Variants in NLRP4 observed in about 807,000 individuals in gnomAD.
NLRP4 encodes the protein NLR family pyrin domain containing 4.
A neutral mutation model predicts 84.7 loss-of-function variants in NLRP4; 44 were observed. That is an observed-to-expected ratio of 0.52 (90% CI 0.41 to 0.67). The LOEUF (loss-of-function observed/expected upper bound fraction) is 0.67, where lower values mean the gene tolerates loss of function less well. Among genes scored for constraint, NLRP4 ranks in the 30% least tolerant of loss-of-function variants. The pLI, the probability that NLRP4 is intolerant of heterozygous loss-of-function variation, is 0.00. For synonymous variants in NLRP4, 544 were observed against 476.4 expected, an observed-to-expected ratio of 1.14 and a Z score of -1.85; for missense variants, 1,260 against 1,219.4, an observed-to-expected ratio of 1.03 and a Z score of -0.50.
In NLRP4 at chr19:55,851,687, T is replaced by C. The variant is rs112821018; in HGVS notation, c.-65-329T>C. The stretch of plus-strand genomic sequence containing the variant: ...TGTAATGTCCGAGGCTGCGGTGTAA[T>C]GTCCGAGGCTGCGGTGTAATGTCCG... On this transcript the variant is annotated intron_variant, in intron 1 of 9. Coordinates refer to ENST00000301295, the MANE Select transcript of NLRP4 (RefSeq NM_134444.5). 3.8e-3 allele frequency among the ~76,000 whole-genome samples: 532 copies of C among 141,718 alleles called. 20 individuals carry two copies. Among genetic ancestry groups the C allele is most frequent in the African/African-American group, 0.014 (509 of 35,774 alleles). 93.0% of individuals were successfully genotyped at this position (141,718 alleles called of 152,430 possible).
At chr19:55,844,443 G>A (rs118009921) in intron 1 of NLRP4, among the ~76,000 whole-genome samples, 14 of 152,172 alleles carry the variant, frequency 9.2e-5, no homozygotes, top group Middle Eastern at 3.4e-3. Flanking sequence ...ACTTGGCTAA[G>A]TTTTGTATTT....
At chr19:55,859,926 C>CAAAAAAAAAAAA (rs1166037425) in intron 3 of NLRP4, among the ~76,000 whole-genome samples, 3 of 17,498 alleles carry the variant, frequency 1.7e-4, no homozygotes, top group Admixed American at 8.7e-4. Context: ...CTCTCATCTC[C>CAAAAAAAAAAAA]AAAAAAAAAA....
intron 6 of NLRP4, 30 bp downstream of exon 6, chr19:55,867,906 G>C (rs1365192327): frequency 6.2e-7 from 1 of 1,605,320 alleles, no homozygotes; most frequent in Non-Finnish European, 8.5e-7. Context: ...GCCTACTGTG[G>C]AGGGCCATGG....
At position 55,849,964 on chromosome 19, in the gene NLRP4, A is replaced by ATTTCCGAGACTGCGGTGTG. The variant is rs1568658206; in HGVS notation, c.-65-2052_-65-2051insTTTCCGAGACTGCGGTGTG. Among the ~76,000 whole-genome samples, 4 of 113,538 alleles carry ATTTCCGAGACTGCGGTGTG rather than the reference A, an allele frequency of 3.5e-5. 1 individual carries two copies. The highest frequency in any genetic ancestry group is 2.5e-4 in the African/African-American group (4 of 16,232). The allele number at this position is 113,538 out of a possible 152,430, so 74.5% of individuals were successfully genotyped here. A position where few individuals can be genotyped will look rare whatever the true frequency, so the allele number is the denominator to read the frequency against. On this transcript the variant is annotated intron_variant, in intron 1 of 9. Transcript: ENST00000301295. ...GGTGTAATTTCCGAGACTGCGGTGT[A>ATTTCCGAGACTGCGGTGTG]ATTTCCGTAGCTGCGGTGTAATTTC...
chr19:55,867,930 C>A, intron 6 of NLRP4, 54 bp downstream of exon 6: 1 of 1,516,860 alleles, frequency 6.6e-7, no homozygotes, highest in Non-Finnish European at 9.1e-7. Flanking sequence ...CAGTTCAAAC[C>A]TGGGCCTATT....
At chr19:55,875,996 C>T (rs141732694) in intron 7 of NLRP4, among the ~76,000 whole-genome samples, 3,139 of 152,220 alleles carry the variant, frequency 0.021, 110 homozygotes, top group African/African-American at 0.072. Context: ...GAGATTGTGC[C>T]GTTGCATTCC....
intron 1 of NLRP4, among the ~76,000 whole-genome samples, chr19:55,838,476 A>G (rs1375233222): frequency 6.6e-6 from 1 of 152,016 alleles, no homozygotes; most frequent in Non-Finnish European, 1.5e-5. Flanking sequence ...CCCTGCCAAC[A>G]CTTTGATTTT....
At chr19:55,856,321 T>C (rs1984410582) in intron 2 of NLRP4, among the ~76,000 whole-genome samples, 1 of 151,980 alleles carries the variant, frequency 6.6e-6, no homozygotes, top group South Asian at 2.1e-4. Flanking sequence ...ACAAGCCTTC[T>C]GTTACAGAAG....
At chr19:55,840,361 T>G (rs552076079) in intron 1 of NLRP4, among the ~76,000 whole-genome samples, 5,710 of 151,254 alleles carry the variant, frequency 0.038, 293 homozygotes, top group East Asian at 0.22. Flanking sequence ...TGTGTGTGTG[T>G]GTGTGTGTGT....
intron 2 of NLRP4, 30 bp downstream of exon 2, chr19:55,852,390 C>T: frequency 6.7e-7 from 1 of 1,502,598 alleles, no homozygotes; most frequent in Non-Finnish European, 9.0e-7. Context: ...GGGAAGCCTT[C>T]TTATAATGAG....
At chr19:55,840,588 C>T (rs934985324) in intron 1 of NLRP4, among the ~76,000 whole-genome samples, 1 of 151,962 alleles carries the variant, frequency 6.6e-6, no homozygotes, top group Non-Finnish European at 1.5e-5. Flanking sequence ...TTAGTAGAGA[C>T]GGGGTTTTAC....
intron 2 of NLRP4, chr19:55,857,419 G>T (rs2123031230): frequency 4.1e-6 from 2 of 482,374 alleles, no homozygotes; most frequent in East Asian, 3.1e-5. Context: ...TCCATTTTAG[G>T]CTTTGTGAGT....
intron 1 of NLRP4, among the ~76,000 whole-genome samples, chr19:55,849,449 C>A (rs1983930346): frequency 6.6e-6 from 1 of 152,162 alleles, no homozygotes; most frequent in South Asian, 2.1e-4. Flanking sequence ...AAATGTACTT[C>A]CTCTAGTTCT....
At position 55,857,849 on chromosome 19, in the gene NLRP4, C is replaced by T. The variant is rs395503; in HGVS notation, c.456C>T (p.Ile152=). 0.41 allele frequency: 654,250 copies of T among 1,612,434 alleles called. 137,485 individuals carry two copies. Among genetic ancestry groups the T allele is most frequent in the East Asian group, 0.67 (29,864 of 44,848 alleles). ...KEAGKQPRTV[I]IQGPQGIGKT... ...CTGGGAAACAGCCACGTACAGTGAT[C>T]ATTCAAGGACCACAAGGAATTGGAA... The change falls in exon 3 of 10, where the codon ATC becomes ATT. Residue 152 remains isoleucine (I), a synonymous_variant. Transcript: ENST00000301295.
chr19:55,858,387 G>A lies in NLRP4; in HGVS notation c.994G>A (p.Glu332Lys). 1 of 1,614,190 alleles carries A rather than the reference G, an allele frequency of 6.2e-7. No homozygotes were observed. The highest frequency in any genetic ancestry group is 1.1e-5 in the South Asian group (1 of 91,080). ...AGCCTTCAATCTTGTAAGAGAAAGTGAACAGCTGTTTTCCATATGCCAAAT... is the reference window on the plus strand; with the variant it reads ...AGCCTTCAATCTTGTAAGAGAAAGTAAACAGCTGTTTTCCATATGCCAAAT... ...MEAFNLVRES[E>K]QLFSICQIPL... The change falls in exon 3 of 10, where the codon GAA (glutamate) becomes AAA (lysine). Residue 332 changes from glutamate to lysine, a missense_variant. Transcript: ENST00000301295. The surrounding 1 kb of genome is among the most constrained non-coding windows in gnomAD (Gnocchi z 4.2).
At chr19:55,875,404 T>C (rs888071240) in intron 7 of NLRP4, among the ~76,000 whole-genome samples, 4 of 152,196 alleles carry the variant, frequency 2.6e-5, no homozygotes, top group Non-Finnish European at 5.9e-5. Context: ...GTTACTGATA[T>C]ACCAACAAGA....
At position 55,870,924 on chromosome 19, in the gene NLRP4, G is replaced by A; in HGVS notation, c.2452G>A (p.Val818Ile). The change falls in exon 7 of 10, where the codon GTC becomes ATC. Residue 818 changes from valine (V) to isoleucine (I), a missense_variant. Physicochemically the swap from Val to Ile is conservative, Grantham distance 29. Coordinates refer to ENST00000301295, the MANE Select transcript of NLRP4 (RefSeq NM_134444.5). ...SVRYLDLSAN[V>I]LKDEGLKTLC... ...GCGCTATCTAGACCTCAGTGCCAAT[G>A]TCCTGAAGGACGAAGGACTGAAAAC... is the stretch of plus-strand genomic sequence containing the variant. The A allele has an allele frequency of 6.2e-7, 1 of 1,614,090 alleles. No homozygotes were observed. Among genetic ancestry groups the A allele is most frequent in the Non-Finnish European group, 8.5e-7 (1 of 1,179,948 alleles).
In NLRP4 at chr19:55,858,080, C is replaced by T. The variant is rs1272299741; in HGVS notation, c.687C>T (p.Val229=). Residue 229 remains valine, a synonymous_variant, in exon 3 of 10, where the codon GTC becomes GTT. Coordinates refer to ENST00000301295, the MANE Select transcript of NLRP4 (RefSeq NM_134444.5). The surrounding 1 kb of genome is among the most constrained non-coding windows in gnomAD (Gnocchi z 4.2). ...IVSQPERLLF[V]IDSFEELQGG... ...CTCAACCGGAGAGACTCTTGTTCGT[C>T]ATCGACAGCTTCGAAGAGCTGCAGG... 7 of 1,614,190 alleles carry T rather than the reference C, an allele frequency of 4.3e-6. No homozygotes were observed. Among genetic ancestry groups the T allele is most frequent in the Non-Finnish European group, 5.9e-6 (7 of 1,180,026 alleles).
intron 1 of NLRP4, among the ~76,000 whole-genome samples, chr19:55,849,971 G>T: frequency 8.2e-6 from 1 of 122,220 alleles, no homozygotes; most frequent in East Asian, 2.4e-4. Context: ...TGTAATTTCC[G>T]TAGCTGCGGT....
Sources: allele counts gnomAD v4.1 joint callset (sites outside exome capture counted in the v4.1 genomes callset), GRCh38; gene constraint gnomAD v4.1.1; non-coding constraint Gnocchi (gnomAD v3.1); transcripts MANE v1.5; gene names NCBI Gene and HGNC (gene_info 2026-07-23, HGNC 2026-07-21).